The following NLGN4X variants were observed in gnomAD, a reference collection of about 807,000 sequenced individuals.
The protein encoded by NLGN4X is neuroligin 4 X-linked, also known as neuroligin-4, X-linked.
In NLGN4X, 3 loss-of-function variants were observed where a neutral mutation model predicts 40.3. The ratio of observed to expected loss-of-function variants is 0.07; its 90% confidence interval spans 0.03 to 0.19. NLGN4X has a LOEUF of 0.19. Ranked by LOEUF, NLGN4X falls within the 10% of genes least tolerant of loss-of-function variation. The pLI is 1.00. For missense variants in NLGN4X, 382 were observed against 708.3 expected (o/e 0.54, Z 5.23); for synonymous variants, 270 against 306.8 (o/e 0.88, Z 1.25).
At chrX:5,985,452 T>A (rs7885973) in intron 3 of NLGN4X, among the ~76,000 whole-genome samples, 23,574 of 109,367 alleles carry the variant, frequency 0.22, 1,934 homozygotes, top group African/African-American at 0.27. Context: ...TTATTTATTT[T>A]TTTTTATGTT....
chrX:6,207,027 T>TTC (rs111244462), intron 1 of NLGN4X, among the ~76,000 whole-genome samples: 6 of 107,481 alleles, frequency 5.6e-5, no homozygotes, highest in South Asian at 4.1e-4. Flanking sequence ...TTGCACTAGA[T>TTC]TCTCTCTCTC....
intron 3 of NLGN4X, among the ~76,000 whole-genome samples, chrX:5,941,180 G>GCGT (rs1569143828): frequency 1.0e-4 from 6 of 58,625 alleles, no homozygotes; most frequent in African/African-American, 3.5e-4. Context: ...TATGCTAGGG[G>GCGT]GTGTGTGTGT....
chrX:5,991,469 G>T (rs992725018), intron 3 of NLGN4X: 3 of 518,723 alleles, frequency 5.8e-6, no homozygotes, highest in Non-Finnish European at 1.1e-5. Context: ...CATGGTGCCT[G>T]CAGGTGCAGC....
chrX:6,003,660 G>A (rs1327846836), intron 3 of NLGN4X, among the ~76,000 whole-genome samples: 2 of 111,609 alleles, frequency 1.8e-5, no homozygotes, highest in African/African-American at 6.5e-5. Context: ...GCCTAATACA[G>A]GAAAACTTAT....
chrX:6,075,579 T>C (rs1272824981), intron 2 of NLGN4X, among the ~76,000 whole-genome samples: 1 of 110,769 alleles, frequency 9.0e-6, no homozygotes, highest in East Asian at 2.9e-4. Context: ...TAGTGGGAGG[T>C]GTTTGAGTCA....
chrX:6,125,974 A>G (rs2039533904), intron 2 of NLGN4X, among the ~76,000 whole-genome samples: 1 of 92,899 alleles, frequency 1.1e-5, no homozygotes, highest in South Asian at 5.1e-4. Context: ...ATAATAGAAT[A>G]ATGGCCATTT....
chrX:6,032,047 T>C (rs1420481744), intron 2 of NLGN4X, among the ~76,000 whole-genome samples: 1 of 109,284 alleles, frequency 9.2e-6, no homozygotes, highest in Non-Finnish European at 1.9e-5. Flanking sequence ...AGTTCTGAGA[T>C]ACTCTTATCT....
intron 3 of NLGN4X, among the ~76,000 whole-genome samples, chrX:5,993,202 G>C (rs1174236392): frequency 9.0e-6 from 1 of 110,976 alleles, no homozygotes; most frequent in Non-Finnish European, 1.9e-5. Context: ...ATATCCATTA[G>C]ATGCCAGAAG....
At chrX:6,165,258 A>G (rs996091777) in intron 1 of NLGN4X, among the ~76,000 whole-genome samples, 1 of 111,550 alleles carries the variant, frequency 9.0e-6, no homozygotes. Flanking sequence ...TTCTCATAAA[A>G]ACCTCTGTGT....
chrX:6,197,445 A>ATTTTTTTTTTTTTTTT (rs1430016429), intron 1 of NLGN4X, among the ~76,000 whole-genome samples: 1 of 86,705 alleles, frequency 1.2e-5, no homozygotes, highest in Non-Finnish European at 2.3e-5. Context: ...TTTTTTTTGT[A>ATTTTTTTTTTTTTTTT]TTTTTTATAG....
intron 1 of NLGN4X, among the ~76,000 whole-genome samples, chrX:6,193,480 TTG>T (rs1922763601): frequency 1.4e-5 from 1 of 72,948 alleles, no homozygotes; most frequent in Non-Finnish European, 2.4e-5. Context: ...TCTTAGCACA[TTG>T]TTCCCTATTT....
intron 2 of NLGN4X, among the ~76,000 whole-genome samples, chrX:6,122,997 T>C (rs2039458300): frequency 9.3e-6 from 1 of 107,236 alleles, no homozygotes; most frequent in Admixed American, 1.0e-4. Flanking sequence ...GAAATAGAAG[T>C]GTTACCAGTC....
chrX:5,950,719 T>A lies in NLGN4X; in HGVS notation c.626-41480A>T, dbSNP rs1207552724. Among the ~76,000 whole-genome samples the A allele has an allele frequency of 2.7e-5, 3 of 112,106 alleles. No homozygotes were observed. The Admixed American group carries it at 2.8e-4, about 11-fold the overall frequency. On this transcript the variant is annotated intron_variant, in intron 3 of 5. Coordinates refer to ENST00000381095, the MANE Select transcript of NLGN4X (RefSeq NM_181332.3). ...CCTGATGTAGCAGTCATGGAAGACG[T>A]TCAGCAGAGAACAGAGGCACAAGTT...
In NLGN4X at chrX:6,116,290, CAAAAAAAAAAA is replaced by C. The variant is rs758019203; in HGVS notation, c.472+34694_472+34704del. Among the ~76,000 whole-genome samples, 17 of 16,165 alleles carry C rather than the reference CAAAAAAAAAAA, an allele frequency of 1.1e-3. 1 individual carries two copies. Among genetic ancestry groups the C allele is most frequent in the South Asian group, 0.013 (1 of 77 alleles). The allele number at this position is 16,165 out of a possible 115,157, so 14.0% of individuals were successfully genotyped here. ...CCTGGGCGACAGACCGAGACTCTGTCAAAAAAAAAAAAAAAAAAAAAAAAAAACACTGTGAA... is the reference window on the plus strand; with the variant it reads ...CCTGGGCGACAGACCGAGACTCTGTCAAAAAAAAAAAAAAAACACTGTGAA... On this transcript the variant is annotated intron_variant, in intron 2 of 5. Transcript: ENST00000381095.
intron 2 of NLGN4X, among the ~76,000 whole-genome samples, chrX:6,052,796 A>C (rs1384526389): frequency 1.8e-5 from 2 of 112,688 alleles, no homozygotes; most frequent in African/African-American, 6.4e-5. Flanking sequence ...TGGGCACAGC[A>C]GCACATTATT....
At position 6,001,624 on chromosome X, in the gene NLGN4X, T is replaced by G. The variant is rs111527297; in HGVS notation, c.625+27656A>C. ...TTTTTCAATTTCAAAACAATCATGTTGTGGACCATTTCAGAAAGAACTAGA... is the reference window on the plus strand; with the variant it reads ...TTTTTCAATTTCAAAACAATCATGTGGTGGACCATTTCAGAAAGAACTAGA... On this transcript the variant is annotated intron_variant, in intron 3 of 5. Transcript: ENST00000381095. Among the ~76,000 whole-genome samples the G allele has an allele frequency of 9.6e-3, 1,069 of 111,269 alleles. 8 individuals are homozygous for G. Among genetic ancestry groups the G allele is most frequent in the South Asian group, 0.016 (41 of 2,612 alleles).
chrX:5,895,558 T>C (rs2031442458), intron 5 of NLGN4X, among the ~76,000 whole-genome samples: 1 of 111,405 alleles, frequency 9.0e-6, no homozygotes. Context: ...TTATACTGCA[T>C]ACTAACTATA....
chrX:6,183,436 A>C (rs1334738835), intron 1 of NLGN4X, among the ~76,000 whole-genome samples: 1 of 110,526 alleles, frequency 9.0e-6, no homozygotes, highest in Non-Finnish European at 1.9e-5. Context: ...AGTCCCAGCC[A>C]CTTGGGAGGC....
chrX:6,113,184 A>ATACC (rs2039192777), intron 2 of NLGN4X, among the ~76,000 whole-genome samples: 1 of 111,160 alleles, frequency 9.0e-6, no homozygotes, highest in Non-Finnish European at 1.9e-5. Flanking sequence ...CAGAAGGAAA[A>ATACC]TACCAACGAA....
Sources: allele counts gnomAD v4.1 joint callset (sites outside exome capture counted in the v4.1 genomes callset), GRCh38; gene constraint gnomAD v4.1.1; transcripts MANE v1.5; gene names NCBI Gene and HGNC (gene_info 2026-07-23, HGNC 2026-07-21).